The following KCNH8 variants were observed in gnomAD, a reference collection of about 807,000 sequenced individuals.
KCNH8 encodes the protein voltage-gated delayed rectifier potassium channel KCNH8.
KCNH8 carries 70 observed loss-of-function variants against 103.6 expected under a neutral mutation model. That is an observed-to-expected ratio of 0.68 (90% CI 0.56 to 0.82). The LOEUF is 0.82. Ranked by LOEUF, KCNH8 falls within the 40% of genes least tolerant of loss-of-function variation. KCNH8 has a pLI of 0.00. For missense variants in KCNH8, 1,217 were observed against 1,329.9 expected, an observed-to-expected ratio of 0.92 and a Z score of 1.32; for synonymous variants, 498 against 489.4, an observed-to-expected ratio of 1.02 and a Z score of -0.23.
rs2067230798 is a variant in KCNH8 at position 19,438,313 on chromosome 3, AAT to A, written c.1329_1330del (p.Thr444ArgfsTer42). On this transcript the variant is annotated frameshift_variant, in exon 8 of 16. Coordinates refer to ENST00000328405, the MANE Select transcript of KCNH8 (RefSeq NM_144633.3). LOFTEE classifies it high-confidence loss of function. ...CGTGGGTTTTGGGAACGTCTCTGCT[AAT>A]ACAGATGCAGAAAAGATCTTCTCCA... ...TSVGFGNVSA[N>X]TDAEKIFSIC... is the part of the protein sequence containing the mutation. The A allele has an allele frequency of 6.2e-7, 1 of 1,613,940 alleles. No individual in the cohort carries two copies. Among genetic ancestry groups the A allele is most frequent in the South Asian group, 1.1e-5 (1 of 91,080 alleles).
At chr3:19,434,555 C>T (rs147824881) in intron 7 of KCNH8, among the ~76,000 whole-genome samples, 1 of 152,276 alleles carries the variant, frequency 6.6e-6, no homozygotes, top group African/African-American at 2.4e-5. Flanking sequence ...TCTTCCAGTG[C>T]TCTGCCTCTC....
intron 1 of KCNH8, among the ~76,000 whole-genome samples, chr3:19,248,818 C>T (rs60319514): frequency 0.062 from 9,504 of 152,106 alleles, 961 homozygotes; most frequent in African/African-American, 0.21. Flanking sequence ...TCTCTTTGGG[C>T]TTAAGAAGTT....
chr3:19,202,771 C>G (rs145504298), intron 1 of KCNH8, among the ~76,000 whole-genome samples: 1 of 152,014 alleles, frequency 6.6e-6, no homozygotes, highest in African/African-American at 2.4e-5. Context: ...CTTTTGGCTT[C>G]AATAACAGAG....
intron 11 of KCNH8, among the ~76,000 whole-genome samples, chr3:19,462,381 C>G (rs2067649306): frequency 6.6e-6 from 1 of 152,210 alleles, no homozygotes. Flanking sequence ...TTTGCTTTCT[C>G]TGATGACCAG....
chr3:19,202,725 A>T (rs766201360), intron 1 of KCNH8, among the ~76,000 whole-genome samples: 1 of 152,134 alleles, frequency 6.6e-6, no homozygotes, highest in African/African-American at 2.4e-5. Flanking sequence ...ACTATATTGC[A>T]TTGTTTGGAA....
At chr3:19,312,911 T>C (rs2065224694) in intron 3 of KCNH8, among the ~76,000 whole-genome samples, 1 of 151,918 alleles carries the variant, frequency 6.6e-6, no homozygotes, top group South Asian at 2.1e-4. Flanking sequence ...GATGGGCCCA[T>C]TTAAAAGGAT....
chr3:19,350,716 C>T (rs1575547020), intron 5 of KCNH8, among the ~76,000 whole-genome samples: 1 of 152,080 alleles, frequency 6.6e-6, no homozygotes, highest in East Asian at 1.9e-4. Context: ...CACACCAAAA[C>T]CCCATCTGTA....
intron 3 of KCNH8, 28 bp from the exon 4 acceptor site, chr3:19,342,559 G>T (rs1036662708): frequency 1.2e-6 from 2 of 1,601,804 alleles, no homozygotes; most frequent in East Asian, 4.5e-5. Flanking sequence ...GCATGCATGT[G>T]TGTCTAATGA....
chr3:19,331,249 TTTTA>T (rs71055062), intron 3 of KCNH8, among the ~76,000 whole-genome samples: 16,769 of 144,482 alleles, frequency 0.12, 1,131 homozygotes, highest in East Asian at 0.18. Context: ...CTTTAATTAT[TTTTA>T]TTTATTTATT....
intron 7 of KCNH8, among the ~76,000 whole-genome samples, chr3:19,412,911 T>C (rs1186144901): frequency 2.6e-5 from 4 of 151,978 alleles, no homozygotes; most frequent in Non-Finnish European, 5.9e-5. Flanking sequence ...AGGAACACGT[T>C]GGTGGCAATG....
chr3:19,505,053 C>T (rs1227291087), intron 11 of KCNH8, among the ~76,000 whole-genome samples: 2 of 148,804 alleles, frequency 1.3e-5, no homozygotes, highest in East Asian at 2.0e-4. Flanking sequence ...TATATATATA[C>T]ACACACAATC....
chr3:19,188,216 G>T (rs2063520743), intron 1 of KCNH8, among the ~76,000 whole-genome samples: 1 of 152,054 alleles, frequency 6.6e-6, no homozygotes, highest in Non-Finnish European at 1.5e-5. Context: ...TTTAGATGAT[G>T]CTTTAAAATG....
At chr3:19,373,566 G>T (rs944211515) in intron 5 of KCNH8, among the ~76,000 whole-genome samples, 1 of 151,986 alleles carries the variant, frequency 6.6e-6, no homozygotes, top group Admixed American at 6.6e-5. Context: ...CCAGCTCCTG[G>T]ATTCATTAAT....
intron 2 of KCNH8, among the ~76,000 whole-genome samples, chr3:19,264,892 C>T (rs531295445): frequency 6.6e-6 from 1 of 152,138 alleles, no homozygotes; most frequent in East Asian, 1.9e-4. Flanking sequence ...GATCCAAGTC[C>T]TGGCAATTCT....
chr3:19,346,104 C>T (rs1024399778), intron 4 of KCNH8, among the ~76,000 whole-genome samples: 5 of 152,028 alleles, frequency 3.3e-5, no homozygotes, highest in Non-Finnish European at 5.9e-5. Flanking sequence ...TTTCCCATGG[C>T]TTCTGATAAT....
chr3:19,332,557 T>G (rs1344991841), intron 3 of KCNH8, among the ~76,000 whole-genome samples: 1 of 152,198 alleles, frequency 6.6e-6, no homozygotes, highest in Non-Finnish European at 1.5e-5. Flanking sequence ...TGCTCACTTG[T>G]ATGTTAAGTA....
rs2064309769 is a variant in KCNH8 at position 19,253,750 on chromosome 3, C to G, written c.173C>G (p.Thr58Ser). The G allele has an allele frequency of 1.2e-6, 2 of 1,613,732 alleles. No homozygotes were observed. Among genetic ancestry groups the G allele is most frequent in the Non-Finnish European group, 1.7e-6 (2 of 1,179,940 alleles). Reference protein sequence around the residue: ...GFCELAGFARTEVMQKSCSCK... With the variant: ...GFCELAGFARSEVMQKSCSCK... ...TGCGAGCTTGCTGGATTTGCCCGAA[C>G]TGAAGTCATGCAGAAGAGTTGTAGC... Residue 58 changes from threonine (T) to serine (S), a missense_variant, in exon 2 of 16, where the codon ACT becomes AGT. Physicochemically the swap from Thr to Ser is moderately conservative, Grantham distance 58 (BLOSUM62 1). Coordinates refer to ENST00000328405, the MANE Select transcript of KCNH8 (RefSeq NM_144633.3).
chr3:19,438,131 C>T (rs952679508), intron 7 of KCNH8, 33 bp from the exon 8 acceptor site: 3 of 1,557,532 alleles, frequency 1.9e-6, no homozygotes, highest in East Asian at 4.5e-5. Context: ...TTTACTTTTT[C>T]TTCTCTCATT....
At chr3:19,371,078 A>C in intron 5 of KCNH8, among the ~76,000 whole-genome samples, 1 of 152,108 alleles carries the variant, frequency 6.6e-6, no homozygotes, top group East Asian at 1.9e-4. Flanking sequence ...ATACGTGTGC[A>C]TGTGTCTTTA....
Sources: gnomAD v4.1 joint callset for allele counts (sites outside exome capture counted in the v4.1 genomes callset) on GRCh38, gnomAD v4.1.1 for gene constraint, MANE v1.5 for transcripts, NCBI Gene and HGNC (gene_info 2026-07-23, HGNC 2026-07-21) for gene names.